Variants in MCHR2 observed in about 807,000 individuals in gnomAD.
The protein encoded by MCHR2 is melanin concentrating hormone receptor 2.
MCHR2 carries 15 observed loss-of-function variants against 24.8 expected under a neutral mutation model. The ratio of observed to expected loss-of-function variants is 0.60; its 90% confidence interval spans 0.40 to 0.93. The LOEUF (loss-of-function observed/expected upper bound fraction) is 0.93, where lower values mean the gene tolerates loss of function less well. Among genes scored for constraint, MCHR2 ranks in the 40% least tolerant of loss-of-function variants. The pLI is 0.00. For synonymous variants in MCHR2, 151 were observed against 147.6 expected, an observed-to-expected ratio of 1.02 and a Z score of -0.17; for missense variants, 386 against 408.7, an observed-to-expected ratio of 0.94 and a Z score of 0.48.
chr6:99,972,827 G>C (rs1345456347), intron 1 of MCHR2, among the ~76,000 whole-genome samples: 3 of 152,138 alleles, frequency 2.0e-5, no homozygotes, highest in African/African-American at 7.2e-5. Context: ...GTACCCAGTA[G>C]TCATTCAGGA....
intron 2 of MCHR2, among the ~76,000 whole-genome samples, chr6:99,948,508 AG>A (rs1774915179): frequency 6.6e-6 from 1 of 152,132 alleles, no homozygotes; most frequent in African/African-American, 2.4e-5. Context: ...GCCGCAGCCA[AG>A]CCTTCAGATA....
intron 5 of MCHR2, among the ~76,000 whole-genome samples, chr6:99,930,978 C>A (rs1318299813): frequency 2.6e-5 from 4 of 152,066 alleles, no homozygotes; most frequent in East Asian, 3.9e-4. Context: ...GTTTTATCTA[C>A]TTTTGGTCTT....
At chr6:99,922,391 G>A (rs1477927801) in intron 5 of MCHR2, among the ~76,000 whole-genome samples, 2 of 152,110 alleles carry the variant, frequency 1.3e-5, no homozygotes, top group Non-Finnish European at 2.9e-5. Flanking sequence ...ATAGGCATGA[G>A]CCACCGCGCC....
chr6:99,987,856 T>C (rs1775798268), intron 1 of MCHR2, among the ~76,000 whole-genome samples: 1 of 152,204 alleles, frequency 6.6e-6, no homozygotes, highest in Non-Finnish European at 1.5e-5. Context: ...GGTTATTTTT[T>C]ATTGATAAGA....
rs1201096738 is a variant in MCHR2, at chr6:99,967,939, G to T, written c.-27-11765C>A. 1.5e-4 allele frequency among the ~76,000 whole-genome samples: 23 copies of T among 152,144 alleles called. 1 individual carries two copies. The highest frequency in any genetic ancestry group is 1.5e-3 in the Admixed American group (23 of 15,272). Reference sequence around the variant, plus strand: ...CTTAACACACATTATAGTGTCTATAGCAAAGAATTTGGTTTAGTAATCTCT... The same window carrying T: ...CTTAACACACATTATAGTGTCTATATCAAAGAATTTGGTTTAGTAATCTCT... On this transcript the variant is annotated intron_variant, in intron 1 of 5. Coordinates refer to ENST00000281806, the MANE Select transcript of MCHR2 (RefSeq NM_001040179.2).
intron 5 of MCHR2, among the ~76,000 whole-genome samples, chr6:99,927,845 T>C (rs1774404059): frequency 1.3e-5 from 2 of 152,188 alleles, no homozygotes; most frequent in East Asian, 1.9e-4. Context: ...TCCTGCATAA[T>C]TGCCCTGGCC....
At chr6:99,949,453 G>T (rs1774928638) in intron 2 of MCHR2, among the ~76,000 whole-genome samples, 1 of 152,178 alleles carries the variant, frequency 6.6e-6, no homozygotes, top group Non-Finnish European at 1.5e-5. Context: ...ACAATTGCTA[G>T]TTTTTTCCTA....
At chr6:99,964,861 T>G (rs1229390390) in intron 1 of MCHR2, among the ~76,000 whole-genome samples, 1 of 152,146 alleles carries the variant, frequency 6.6e-6, no homozygotes, top group East Asian at 1.9e-4. Flanking sequence ...TGGATGGATC[T>G]AAAATCATAA....
At position 99,947,986 on chromosome 6, in the gene MCHR2, G is replaced by T. The variant is rs758454505; in HGVS notation, c.183-15C>A. 4 of 1,604,764 alleles carry T rather than the reference G, an allele frequency of 2.5e-6. No individual in the cohort carries two copies. The East Asian group carries it at 8.9e-5, about 36-fold the overall frequency. ...TTTTCCTGGATCTGAAAGAGATAGA[G>T]GAAACTGAGGATTGACATTGAATGT... is the stretch of plus-strand genomic sequence containing the variant. On this transcript the variant is annotated splice_polypyrimidine_tract_variant and intron_variant, in intron 2 of 5. Transcript: ENST00000281806.
chr6:99,921,657 A>G (rs1399872213), intron 5 of MCHR2, among the ~76,000 whole-genome samples: 1 of 152,220 alleles, frequency 6.6e-6, no homozygotes. Context: ...TATTTTTAAA[A>G]GTACAATTAT....
At chr6:99,976,356 A>G (rs893720703) in intron 1 of MCHR2, among the ~76,000 whole-genome samples, 7 of 152,354 alleles carry the variant, frequency 4.6e-5, no homozygotes, top group Admixed American at 1.3e-4. Context: ...TTATGTCTGC[A>G]CATTTTCAGC....
At chr6:99,925,768 GA>G (rs1774341220) in intron 5 of MCHR2, among the ~76,000 whole-genome samples, 1 of 151,166 alleles carries the variant, frequency 6.6e-6, no homozygotes, top group African/African-American at 2.4e-5. Context: ...TCTATGTCTT[GA>G]AAAGTTGTTG....
At chr6:99,931,083 G>T (rs1455544486) in intron 5 of MCHR2, among the ~76,000 whole-genome samples, 1 of 152,204 alleles carries the variant, frequency 6.6e-6, no homozygotes, top group Admixed American at 6.5e-5. Flanking sequence ...AGGTCTGTTG[G>T]AGTTTGCTAG....
intron 4 of MCHR2, among the ~76,000 whole-genome samples, chr6:99,940,053 C>A (rs1475511587): frequency 2.0e-5 from 3 of 151,554 alleles, no homozygotes; most frequent in African/African-American, 4.8e-5. Flanking sequence ...TTATTATATG[C>A]CTTGGGGTAC....
Position 99,955,224 on chromosome 6 carries a change from A to T in MCHR2, c.182+742T>A, listed in dbSNP as rs542868364. On this transcript the variant is annotated intron_variant, in intron 2 of 5. Transcript: ENST00000281806. ...AAATATACCAAGTAGCTATAGGGCT[A>T]GTGTGCACTAATTCTGAATCCATTT... Among the ~76,000 whole-genome samples the T allele has an allele frequency of 1.6e-3, 247 of 152,320 alleles. 2 individuals carry two copies. The highest frequency in any genetic ancestry group is 5.3e-3 in the African/African-American group (219 of 41,584).
intron 2 of MCHR2, among the ~76,000 whole-genome samples, chr6:99,952,885 A>G (rs1774991597): frequency 6.6e-6 from 1 of 152,172 alleles, no homozygotes; most frequent in Non-Finnish European, 1.5e-5. Flanking sequence ...AAGCTCCATT[A>G]GCATTTCTTT....
intron 5 of MCHR2, 73 bp from the exon 6 acceptor site, chr6:99,921,328 CT>C: frequency 7.2e-7 from 1 of 1,387,182 alleles, no homozygotes; most frequent in Non-Finnish European, 9.9e-7. Flanking sequence ...TTCCTAGAAC[CT>C]TTTGGACAGT....
intron 3 of MCHR2, among the ~76,000 whole-genome samples, chr6:99,946,096 C>T (rs1214983048): frequency 1.3e-5 from 2 of 151,866 alleles, no homozygotes; most frequent in African/African-American, 4.8e-5. Context: ...GTATTATCCC[C>T]AAGAATGGGA....
intron 1 of MCHR2, among the ~76,000 whole-genome samples, chr6:99,973,055 G>C (rs979290586): frequency 6.6e-6 from 1 of 152,084 alleles, no homozygotes; most frequent in Non-Finnish European, 1.5e-5. Context: ...TTGGGGTGGA[G>C]AGTTCTGTAG....
Sources: gnomAD v4.1 joint callset for allele counts (sites outside exome capture counted in the v4.1 genomes callset) on GRCh38, gnomAD v4.1.1 for gene constraint, MANE v1.5 for transcripts, NCBI Gene and HGNC (gene_info 2026-07-23, HGNC 2026-07-21) for gene names.